NGEF: variants seen among roughly 807,000 people sequenced by gnomAD.
NGEF encodes the protein neuronal guanine nucleotide exchange factor.
In NGEF, 31 loss-of-function variants were observed where a neutral mutation model predicts 80.9. The observed-to-expected ratio is 0.38, with a 90% CI of 0.29 to 0.52. The LOEUF (loss-of-function observed/expected upper bound fraction) is 0.52, where lower values mean the gene tolerates loss of function less well. NGEF is among the 20% of genes least tolerant of loss of function. The pLI, the probability that NGEF is intolerant of heterozygous loss-of-function variation, is 0.84. For missense variants in NGEF, 709 were observed against 926.2 expected, an observed-to-expected ratio of 0.77 and a Z score of 3.04; for synonymous variants, 371 against 370.2, an observed-to-expected ratio of 1.00 and a Z score of -0.03.
chr2:233,010,753 C>T (rs1026566944), intron 1 of NGEF, among the ~76,000 whole-genome samples: 10 of 152,196 alleles, frequency 6.6e-5, no homozygotes, highest in African/African-American at 1.7e-4. Flanking sequence ...TGGTCTCCCA[C>T]GGCCCTGGCC....
At chr2:232,944,112 T>G (rs1693499590) in intron 3 of NGEF, among the ~76,000 whole-genome samples, 1 of 151,834 alleles carries the variant, frequency 6.6e-6, no homozygotes, top group East Asian at 2.0e-4. Flanking sequence ...CACACACCTG[T>G]AATCCCAGCT....
chr2:232,907,179 G>GAAAAAAAAAAAAAAAAAAAAAA (rs1455116424), intron 5 of NGEF, among the ~76,000 whole-genome samples: 1 of 25,490 alleles, frequency 3.9e-5, no homozygotes, highest in African/African-American at 1.3e-4. Flanking sequence ...AAAAAGAAAA[G>GAAAAAAAAAAAAAAAAAAAAAA]AAAAAAAAGA....
chr2:232,945,358 C>G (rs566245767), intron 3 of NGEF, among the ~76,000 whole-genome samples: 1 of 152,048 alleles, frequency 6.6e-6, no homozygotes, highest in Non-Finnish European at 1.5e-5. Flanking sequence ...AGTCCTAACG[C>G]CTGGTACCCA....
intron 3 of NGEF, among the ~76,000 whole-genome samples, chr2:232,951,003 C>T (rs970498745): frequency 1.3e-5 from 2 of 152,232 alleles, no homozygotes; most frequent in Non-Finnish European, 2.9e-5. Flanking sequence ...GATCAGGCCT[C>T]AGACCCAGCG....
chr2:232,912,468 T>C (rs1446018692), intron 5 of NGEF, among the ~76,000 whole-genome samples: 1 of 152,230 alleles, frequency 6.6e-6, no homozygotes, highest in Non-Finnish European at 1.5e-5. Context: ...TATTGGTCTG[T>C]AGTTTACTAT....
At chr2:232,988,753 T>C (rs1165928895) in intron 1 of NGEF, among the ~76,000 whole-genome samples, 2 of 152,172 alleles carry the variant, frequency 1.3e-5, no homozygotes, top group Non-Finnish European at 2.9e-5. Flanking sequence ...CGGGGTGTCT[T>C]TTGATCAGAA....
Position 232,998,043 on chromosome 2 carries a change from C to T in NGEF, c.-75+15025G>A, listed in dbSNP as rs116626662. On this transcript the variant is annotated intron_variant, in intron 1 of 14. Coordinates refer to ENST00000264051, the MANE Select transcript of NGEF (RefSeq NM_019850.3). ...GTTTCTGAGCAGGAGGTCACAGGGC[C>T]GAGAAGAGCAGCAGGGACCCAGGCC... Among the ~76,000 whole-genome samples the T allele has an allele frequency of 6.5e-3, 995 of 152,274 alleles. 14 individuals are homozygous for T. The highest frequency in any genetic ancestry group is 0.022 in the African/African-American group (934 of 41,546).
intron 1 of NGEF, among the ~76,000 whole-genome samples, chr2:232,984,693 C>A (rs576382754): frequency 6.6e-5 from 10 of 152,050 alleles, no homozygotes; most frequent in African/African-American, 2.4e-4. Flanking sequence ...AAGGAGAAGC[C>A]GGGAGGACTC....
At chr2:232,950,763 C>T (rs141588493) in intron 3 of NGEF, among the ~76,000 whole-genome samples, 170 of 152,320 alleles carry the variant, frequency 1.1e-3, no homozygotes, top group African/African-American at 3.8e-3. Flanking sequence ...GTCCCCTCAC[C>T]ACTGCCTGTC....
At chr2:232,954,807 G>A (rs1224684955) in intron 3 of NGEF, among the ~76,000 whole-genome samples, 3 of 151,962 alleles carry the variant, frequency 2.0e-5, no homozygotes, top group South Asian at 4.2e-4. Flanking sequence ...GTTGAGGAAG[G>A]CTTTGCAGAA....
intron 1 of NGEF, among the ~76,000 whole-genome samples, chr2:232,986,784 A>G (rs10182673): frequency 0.11 from 16,389 of 152,238 alleles, 2,943 homozygotes; most frequent in African/African-American, 0.37. Flanking sequence ...GATCTAACAT[A>G]TAGCACAGGT....
At chr2:232,894,054 C>G (rs1691977003) in intron 6 of NGEF, among the ~76,000 whole-genome samples, 2 of 152,346 alleles carry the variant, frequency 1.3e-5, no homozygotes, top group African/African-American at 4.8e-5. Context: ...ATCTGATCAC[C>G]AGGCACTGTC....
intron 3 of NGEF, among the ~76,000 whole-genome samples, chr2:232,948,810 G>A (rs1045051608): frequency 2.6e-5 from 4 of 152,138 alleles, no homozygotes; most frequent in African/African-American, 9.7e-5. Context: ...TTGAGGTCAG[G>A]AGTTTGAGAC....
intron 3 of NGEF, among the ~76,000 whole-genome samples, chr2:232,942,841 G>A (rs1436994285): frequency 3.4e-5 from 5 of 146,176 alleles, no homozygotes; most frequent in Non-Finnish European, 7.5e-5. Context: ...AGTGTACCTT[G>A]AGCTCAAGTA....
chr2:233,012,627 G>T (rs1695236496), intron 1 of NGEF: 1 of 338,276 alleles, frequency 3.0e-6, no homozygotes, highest in Admixed American at 4.3e-5. Context: ...GGCGTCGTGG[G>T]TGTGGGGCCT....
At chr2:232,895,801 C>G (rs964898071) in intron 5 of NGEF, among the ~76,000 whole-genome samples, 1 of 152,126 alleles carries the variant, frequency 6.6e-6, no homozygotes, top group Non-Finnish European at 1.5e-5. Context: ...ATAATGGAAC[C>G]AATAAGGTGA....
At chr2:232,976,901 C>T (rs1694305508) in intron 1 of NGEF, among the ~76,000 whole-genome samples, 1 of 152,114 alleles carries the variant, frequency 6.6e-6, no homozygotes, top group Admixed American at 6.6e-5. Context: ...TCGGTGAAGC[C>T]CCTTCCAACT....
At chr2:232,905,377 T>G (rs1376877443) in intron 5 of NGEF, among the ~76,000 whole-genome samples, 1 of 145,738 alleles carries the variant, frequency 6.9e-6, no homozygotes, top group African/African-American at 2.6e-5. Context: ...GTGCCAGGAT[T>G]GCAGACGGAG....
intron 1 of NGEF, among the ~76,000 whole-genome samples, chr2:232,984,258 ATTTTTT>A: frequency 6.9e-6 from 1 of 145,396 alleles, no homozygotes; most frequent in Admixed American, 6.9e-5. Flanking sequence ...TTAATTTTCA[ATTTTTT>A]TTTTTTTTGT....
Sources: gnomAD v4.1 joint callset for allele counts (sites outside exome capture counted in the v4.1 genomes callset) on GRCh38, gnomAD v4.1.1 for gene constraint, MANE v1.5 for transcripts, NCBI Gene and HGNC (gene_info 2026-07-23, HGNC 2026-07-21) for gene names.